WDR62: variants seen among roughly 807,000 people sequenced by gnomAD.
The protein encoded by WDR62 is WD repeat domain 62, also known as WD repeat-containing protein 62.
In WDR62, 112 loss-of-function variants were observed where a neutral mutation model predicts 160.6. That is an observed-to-expected ratio of 0.70 (90% CI 0.60 to 0.82). The LOEUF (loss-of-function observed/expected upper bound fraction) is 0.82, where lower values mean the gene tolerates loss of function less well. Ranked by LOEUF, WDR62 falls within the 40% of genes least tolerant of loss-of-function variation. WDR62 has a pLI of 0.00. For synonymous variants in WDR62, 792 were observed against 815.1 expected (o/e 0.97, Z 0.48); for missense variants, 1,819 against 1,983.8 (o/e 0.92, Z 1.58).
intron 18 of WDR62, among the ~76,000 whole-genome samples, chr19:36,092,429 G>A (rs1212924888): frequency 6.6e-6 from 1 of 152,114 alleles, no homozygotes; most frequent in African/African-American, 2.4e-5. Context: ...ATTTACCCCA[G>A]TTCTTCCCCA....
At chr19:36,104,137 C>T (rs1973586836) in intron 30 of WDR62, among the ~76,000 whole-genome samples, 156 bp downstream of exon 30, 1 of 152,240 alleles carries the variant, frequency 6.6e-6, no homozygotes, top group African/African-American at 2.4e-5. Flanking sequence ...ACATGTTGGG[C>T]TTTGTGCTAA....
chr19:36,092,623 A>C, intron 18 of WDR62, 66 bp from the exon 19 acceptor site: 5 of 1,609,392 alleles, frequency 3.1e-6, no homozygotes, highest in Non-Finnish European at 3.4e-6. Context: ...CTTCAGGGTC[A>C]GCCACGGCAG....
At position 36,066,023 on chromosome 19, in the gene WDR62, G is replaced by A. The variant is rs1212675413; in HGVS notation, c.390+8G>A. The A allele has an allele frequency of 9.3e-6, 15 of 1,613,998 alleles. No homozygotes were observed. The highest frequency in any genetic ancestry group is 1.1e-5 in the South Asian group (1 of 91,076). ...TACATAGTGACAGGGGAGGTGAGTC[G>A]TGATCGTGACTGAGTGGGAGTCGGG... On this transcript the variant is annotated splice_region_variant and intron_variant, in intron 4 of 31. Coordinates refer to ENST00000401500, the MANE Select transcript of WDR62 (RefSeq NM_001083961.2).
intron 2 of WDR62, 195 bp downstream of exon 2, chr19:36,059,066 T>C (rs1021545458): frequency 1.4e-6 from 1 of 708,002 alleles, no homozygotes; most frequent in African/African-American, 1.8e-5. Context: ...ATGTAGTGAG[T>C]GCAATGAAAG....
At position 36,097,014 on chromosome 19, in the gene WDR62, T is replaced by C; in HGVS notation, c.2468-13T>C. 1 of 1,609,778 alleles carries C rather than the reference T, an allele frequency of 6.2e-7. No individual in the cohort carries two copies. The highest frequency in any genetic ancestry group is 8.5e-7 in the Non-Finnish European group (1 of 1,178,060). ...TTGTTTGTCCTCTTTTCATGGATTC[T>C]GTGTCTTTCCAGATCCTCGTTGCCT... On this transcript the variant is annotated splice_polypyrimidine_tract_variant and intron_variant, in intron 20 of 31. Coordinates refer to ENST00000401500, the MANE Select transcript of WDR62 (RefSeq NM_001083961.2).
intron 12 of WDR62, among the ~76,000 whole-genome samples, chr19:36,085,442 CAA>C (rs368203390): frequency 0.2 from 8,988 of 45,046 alleles, 406 homozygotes; most frequent in East Asian, 0.25. Flanking sequence ...TTTTTTGAGA[CAA>C]GAGTCTCACT....
In WDR62 at chr19:36,097,115, C is replaced by G. The variant is rs746838819; in HGVS notation, c.2520+36C>G. ...AGGGAGAGGGTTGCTCAGGGGCTGGCAGAGGAAACGCCTCCCCAGCTCTGC... is the reference window on the plus strand; with the variant it reads ...AGGGAGAGGGTTGCTCAGGGGCTGGGAGAGGAAACGCCTCCCCAGCTCTGC... On this transcript the variant is annotated intron_variant, in intron 21 of 31. Coordinates refer to ENST00000401500, the MANE Select transcript of WDR62 (RefSeq NM_001083961.2). 3.1e-6 allele frequency: 5 copies of G among 1,606,752 alleles called. No individual in the cohort carries two copies. In the East Asian group the frequency reaches 1.1e-4, roughly 36 times the overall value.
intron 3 of WDR62, chr19:36,060,258 T>A: frequency 1.7e-6 from 1 of 588,888 alleles, no homozygotes; most frequent in Non-Finnish European, 3.1e-6. Flanking sequence ...TGTAAACTAG[T>A]CAGCAAATTA....
In WDR62 at chr19:36,104,686, C is replaced by T. The variant is rs769057581; in HGVS notation, c.4311+11C>T. 1.2e-6 allele frequency: 2 copies of T among 1,614,062 alleles called. No homozygotes were observed. The highest frequency in any genetic ancestry group is 1.7e-6 in the Non-Finnish European group (2 of 1,180,030). ...GACCTTTACCGTGTGGTGAGCTAAG[C>T]CCCAGAGTTGGGAAAGGGTTGAGGG... On this transcript the variant is annotated intron_variant, in intron 31 of 31. Coordinates refer to ENST00000401500, the MANE Select transcript of WDR62 (RefSeq NM_001083961.2).
intron 7 of WDR62, among the ~76,000 whole-genome samples, chr19:36,069,583 C>T (rs77699962): frequency 0.14 from 21,231 of 152,056 alleles, 1,814 homozygotes; most frequent in Middle Eastern, 0.25. Context: ...ACTTCCCAGA[C>T]GGGGTGGCGG....
chr19:36,058,476 C>T (rs1327768173), intron 1 of WDR62, among the ~76,000 whole-genome samples: 1 of 152,254 alleles, frequency 6.6e-6, no homozygotes, highest in Non-Finnish European at 1.5e-5. Flanking sequence ...CCCATCATTA[C>T]TTGGCATCTA....
At position 36,103,048 on chromosome 19, in the gene WDR62, G is replaced by A. The variant is rs867982281; in HGVS notation, c.3436G>A (p.Gly1146Ser). The change falls in exon 28 of 32, where the codon GGC becomes AGC. Residue 1146 changes from glycine to serine, a missense_variant. Gly to Ser is a moderately conservative substitution (Grantham distance 56, BLOSUM62 0). Transcript: ENST00000401500. ...RGGSQPRAGTGYASPDRTHVL... is the reference protein window; with the variant it reads ...RGGSQPRAGTSYASPDRTHVL... Reference sequence around the variant, plus strand: ...CGGAAGCCAGCCCAGAGCAGGTACTGGCTACGCCTCCCCAGACAGGACCCA... The same window carrying A: ...CGGAAGCCAGCCCAGAGCAGGTACTAGCTACGCCTCCCCAGACAGGACCCA... 1.9e-5 allele frequency: 31 copies of A among 1,614,126 alleles called. No homozygotes were observed. Among genetic ancestry groups the A allele is most frequent in the Non-Finnish European group, 2.6e-5 (31 of 1,180,026 alleles).
Position 36,103,486 on chromosome 19 carries a change from G to C in WDR62, c.3658G>C (p.Ala1220Pro). ...HAPSTCSYMEATASSRARISR... is the reference protein window; with the variant it reads ...HAPSTCSYMEPTASSRARISR... Reference sequence around the variant, plus strand: ...CCCCTCCACCTGTTCCTACATGGAGGCCACTGCCAGCTCCCGTGCCAGGAT... The same window carrying C: ...CCCCTCCACCTGTTCCTACATGGAGCCCACTGCCAGCTCCCGTGCCAGGAT... Residue 1220 changes from alanine to proline, a missense_variant, in exon 30 of 32, where the codon GCC (alanine) becomes CCC (proline). Ala to Pro is a conservative substitution (Grantham distance 27). This residue lies in a region of WDR62 where 770 missense variants were observed against 734.2 expected (regional missense o/e 1.05). Transcript: ENST00000401500. The C allele has an allele frequency of 1.2e-6, 2 of 1,614,108 alleles. No homozygotes were observed. The highest frequency in any genetic ancestry group is 1.7e-6 in the Non-Finnish European group (2 of 1,180,014).
At chr19:36,091,603 A>C in intron 18 of WDR62, 138 bp downstream of exon 18, 1 of 858,090 alleles carries the variant, frequency 1.2e-6, no homozygotes, top group South Asian at 1.4e-5. Flanking sequence ...CTGAGTTCAA[A>C]TACCAGCTCT....
At chr19:36,085,018 AG>A (rs1368256375) in intron 12 of WDR62, among the ~76,000 whole-genome samples, 5 of 152,188 alleles carry the variant, frequency 3.3e-5, no homozygotes, top group Non-Finnish European at 7.3e-5. Context: ...ATTGTGAATG[AG>A]AAGATAGATT....
intron 7 of WDR62, among the ~76,000 whole-genome samples, chr19:36,068,832 G>A (rs1163318549): frequency 1.2e-4 from 18 of 152,042 alleles, no homozygotes; most frequent in Non-Finnish European, 1.9e-4. Context: ...CCACAAAACC[G>A]CCATCGTCAT....
At position 36,073,516 on chromosome 19, in the gene WDR62, CGTT is replaced by C. The variant is rs761807095; in HGVS notation, c.1219_1221del (p.Val407del). On this transcript the variant is annotated inframe_deletion, in exon 9 of 32. Coordinates refer to ENST00000401500, the MANE Select transcript of WDR62 (RefSeq NM_001083961.2). ...GGTCAGAGCTCTTCCACAGCTCCTA[CGTT>C]TGGAACGTGGAGGTGAGCCCCCCCC... 1 of 1,613,698 alleles carries C rather than the reference CGTT, an allele frequency of 6.2e-7. No homozygotes were observed. Among genetic ancestry groups the C allele is most frequent in the Non-Finnish European group, 8.5e-7 (1 of 1,179,874 alleles).
intron 18 of WDR62, 75 bp from the exon 19 acceptor site, chr19:36,092,614 T>C: frequency 6.2e-7 from 1 of 1,604,880 alleles, no homozygotes; most frequent in South Asian, 1.1e-5. Context: ...TGTGGGTGGC[T>C]TCAGGGTCAG....
At chr19:36,073,097 T>G (rs1971384369) in intron 8 of WDR62, among the ~76,000 whole-genome samples, 1 of 152,112 alleles carries the variant, frequency 6.6e-6, no homozygotes, top group Non-Finnish European at 1.5e-5. Flanking sequence ...GCGATAAATG[T>G]TCATAGGAAT....
Sources: gnomAD v4.1 joint callset for allele counts (sites outside exome capture counted in the v4.1 genomes callset) on GRCh38, gnomAD v4.1.1 for gene constraint, gnomAD v4.1.1 regional missense constraint, MANE v1.5 for transcripts, NCBI Gene and HGNC (gene_info 2026-07-23, HGNC 2026-07-21) for gene names.